The following ZFYVE9 variants were observed in gnomAD, a reference collection of about 807,000 sequenced individuals.
ZFYVE9 encodes zinc finger FYVE-type containing 9, also known as zinc finger FYVE domain-containing protein 9.
ZFYVE9 carries 43 observed loss-of-function variants against 126.7 expected under a neutral mutation model. The observed-to-expected ratio is 0.34, with a 90% CI of 0.27 to 0.44. The LOEUF (loss-of-function observed/expected upper bound fraction) is 0.44, where lower values mean the gene tolerates loss of function less well. ZFYVE9 is among the 20% of genes least tolerant of loss of function. ZFYVE9 has a pLI of 1.00. For synonymous variants in ZFYVE9, 521 were observed against 597.4 expected (o/e 0.87, Z 1.87); for missense variants, 1,476 against 1,697.0 (o/e 0.87, Z 2.29).
chr1:52,221,390 G>A (rs1337986962), intron 2 of ZFYVE9, among the ~76,000 whole-genome samples: 1 of 152,208 alleles, frequency 6.6e-6, no homozygotes, highest in Non-Finnish European at 1.5e-5. Flanking sequence ...TCTGGGTTTG[G>A]ATTTCCTGTT....
At chr1:52,208,296 G>GGT (rs1168747416) in intron 1 of ZFYVE9, among the ~76,000 whole-genome samples, 3 of 152,136 alleles carry the variant, frequency 2.0e-5, no homozygotes, top group African/African-American at 7.2e-5. Flanking sequence ...TATCAAGCCA[G>GGT]GTATGTTCCA....
At chr1:52,322,104 A>G (rs1317192237) in intron 13 of ZFYVE9, among the ~76,000 whole-genome samples, 3 of 152,198 alleles carry the variant, frequency 2.0e-5, no homozygotes, top group African/African-American at 7.2e-5. Flanking sequence ...AGGCTTCTCC[A>G]TCTAAATTAA....
At chr1:52,304,793 ATTT>A (rs551207041) in intron 13 of ZFYVE9, among the ~76,000 whole-genome samples, 2 of 143,296 alleles carry the variant, frequency 1.4e-5, no homozygotes, top group Non-Finnish European at 3.1e-5. Flanking sequence ...TTTCCACGTG[ATTT>A]TTTTTTTTTT....
chr1:52,292,108 G>T (rs1291706300), intron 10 of ZFYVE9, among the ~76,000 whole-genome samples: 2 of 151,770 alleles, frequency 1.3e-5, no homozygotes, highest in Middle Eastern at 3.4e-3. Flanking sequence ...GTGAAACTCT[G>T]TTTCTACTAA....
intron 1 of ZFYVE9, among the ~76,000 whole-genome samples, chr1:52,188,561 G>T (rs1557446421): frequency 6.6e-6 from 1 of 152,088 alleles, no homozygotes; most frequent in Non-Finnish European, 1.5e-5. Flanking sequence ...TGAATAATAT[G>T]ATTTCATTAA....
chr1:52,155,216 G>A (rs906467629), intron 1 of ZFYVE9, among the ~76,000 whole-genome samples: 1 of 151,078 alleles, frequency 6.6e-6, no homozygotes, highest in Non-Finnish European at 1.5e-5. Flanking sequence ...CACACCAGGA[G>A]CTGTTTTTCT....
intron 1 of ZFYVE9, among the ~76,000 whole-genome samples, chr1:52,199,598 G>A (rs997343183): frequency 2.6e-5 from 4 of 152,168 alleles, no homozygotes; most frequent in Admixed American, 1.3e-4. Context: ...GGACATCTTA[G>A]TTGCTTCTAA....
intron 3 of ZFYVE9, among the ~76,000 whole-genome samples, chr1:52,234,318 C>T (rs922063527): frequency 2.6e-5 from 4 of 152,082 alleles, no homozygotes; most frequent in Admixed American, 2.0e-4. Flanking sequence ...AAAAAATTAG[C>T]CAGGCCTGGT....
chr1:52,155,851 A>G (rs561103443), intron 1 of ZFYVE9, among the ~76,000 whole-genome samples: 3 of 152,250 alleles, frequency 2.0e-5, no homozygotes, highest in East Asian at 1.9e-4. Flanking sequence ...AGATGCAGCA[A>G]TTTGTCTTTT....
chr1:52,234,433 C>A (rs188804357), intron 3 of ZFYVE9, among the ~76,000 whole-genome samples: 2 of 152,264 alleles, frequency 1.3e-5, no homozygotes, highest in Non-Finnish European at 2.9e-5. Flanking sequence ...TGTATTCCAG[C>A]CCAGATGACA....
At chr1:52,330,640 A>G (rs1017514990) in intron 13 of ZFYVE9, among the ~76,000 whole-genome samples, 3 of 151,790 alleles carry the variant, frequency 2.0e-5, no homozygotes, top group African/African-American at 7.3e-5. Flanking sequence ...AGCAGTGAGG[A>G]CCTCCAGTGG....
chr1:52,275,452 G>A (rs1406591378), intron 8 of ZFYVE9, among the ~76,000 whole-genome samples: 1 of 152,142 alleles, frequency 6.6e-6, no homozygotes, highest in African/African-American at 2.4e-5. Flanking sequence ...TAAGTTCTTT[G>A]AGAAATCTCC....
Position 52,155,493 on chromosome 1 carries a change from C to A in ZFYVE9, c.-143+13090C>A, listed in dbSNP as rs552231494. On this transcript the variant is annotated intron_variant, in intron 1 of 18. Coordinates refer to ENST00000287727, the MANE Select transcript of ZFYVE9 (RefSeq NM_004799.4). ...TCGTGGTCCACCCGCCTCGGCCTCC[C>A]AAAGTGCTGGGATTACAGGCGTGAG... 5.5e-3 allele frequency among the ~76,000 whole-genome samples: 831 copies of A among 152,284 alleles called. 5 individuals carry two copies. The highest frequency in any genetic ancestry group is 0.02 in the South Asian group (96 of 4,828).
At chr1:52,336,134 T>TAA (rs112494573) in intron 15 of ZFYVE9, among the ~76,000 whole-genome samples, 4 of 143,358 alleles carry the variant, frequency 2.8e-5, no homozygotes, top group East Asian at 4.0e-4. Flanking sequence ...ACTCTATCTT[T>TAA]AAAAAAAAAA....
intron 4 of ZFYVE9, chr1:52,251,986 A>ATT (rs201430657): frequency 2.4e-4 from 35 of 146,392 alleles, no homozygotes; most frequent in Middle Eastern, 7.2e-3. Flanking sequence ...GCGTTGAGGC[A>ATT]TTTTTTTTTT....
chr1:52,177,283 G>A (rs1161695357), intron 1 of ZFYVE9, among the ~76,000 whole-genome samples: 1 of 152,048 alleles, frequency 6.6e-6, no homozygotes, highest in African/African-American at 2.4e-5. Context: ...CCCAGTAGCT[G>A]GGATTACAGG....
intron 12 of ZFYVE9, among the ~76,000 whole-genome samples, chr1:52,302,012 A>G (rs1029857044): frequency 2.6e-5 from 4 of 152,202 alleles, no homozygotes; most frequent in African/African-American, 9.6e-5. Context: ...TTGAAGTTAT[A>G]CTTGGGTCTT....
intron 15 of ZFYVE9, among the ~76,000 whole-genome samples, chr1:52,336,599 T>C (rs1646392005): frequency 6.6e-6 from 1 of 151,966 alleles, no homozygotes; most frequent in Non-Finnish European, 1.5e-5. Context: ...CCTCAAATGA[T>C]CCACCAGGCT....
intron 1 of ZFYVE9, 124 bp from the exon 2 acceptor site, chr1:52,216,245 G>C: frequency 2.5e-6 from 1 of 395,902 alleles, no homozygotes; most frequent in Non-Finnish European, 4.5e-6. Context: ...TGAATCCAAA[G>C]GTATAATTTT....
Sources: allele counts gnomAD v4.1 joint callset (sites outside exome capture counted in the v4.1 genomes callset), GRCh38; gene constraint gnomAD v4.1.1; transcripts MANE v1.5; gene names NCBI Gene and HGNC (gene_info 2026-07-23, HGNC 2026-07-21).